Variants in EPHA5 observed in about 807,000 individuals in gnomAD.
The protein encoded by EPHA5 is EPH receptor A5, also known as ephrin type-A receptor 5.
In EPHA5, 60 loss-of-function variants were observed where a neutral mutation model predicts 105.0. The ratio of observed to expected loss-of-function variants is 0.57; its 90% CI spans 0.46 to 0.71. EPHA5 has a LOEUF of 0.71. EPHA5 is among the 30% of genes least tolerant of loss of function. The pLI is 0.00. For synonymous variants in EPHA5, 513 were observed against 449.1 expected, an observed-to-expected ratio of 1.14 and a Z score of -1.80; for missense variants, 1,218 against 1,274.7, an observed-to-expected ratio of 0.96 and a Z score of 0.68.
intron 3 of EPHA5, among the ~76,000 whole-genome samples, chr4:65,496,797 T>C (rs570875371): frequency 6.6e-6 from 1 of 152,284 alleles, no homozygotes; most frequent in South Asian, 2.1e-4. Context: ...TTTTCCAGTG[T>C]TTGACCACAA....
At chr4:65,634,170 T>G (rs1746900384) in intron 2 of EPHA5, among the ~76,000 whole-genome samples, 1 of 152,110 alleles carries the variant, frequency 6.6e-6, no homozygotes, top group African/African-American at 2.4e-5. Context: ...AAAGGCCATT[T>G]TCCAATTTAT....
chr4:65,482,195 G>A (rs1224151927), intron 5 of EPHA5, among the ~76,000 whole-genome samples: 2 of 151,540 alleles, frequency 1.3e-5, no homozygotes, highest in South Asian at 4.2e-4. Flanking sequence ...CTACTCAGGA[G>A]GCTGAGGCAG....
At chr4:65,615,321 G>T (rs1745134809) in intron 2 of EPHA5, among the ~76,000 whole-genome samples, 1 of 151,550 alleles carries the variant, frequency 6.6e-6, no homozygotes, top group Non-Finnish European at 1.5e-5. Flanking sequence ...AACCAATTGG[G>T]GTACATACAA....
At chr4:65,580,915 T>C (rs1741556314) in intron 3 of EPHA5, among the ~76,000 whole-genome samples, 1 of 151,876 alleles carries the variant, frequency 6.6e-6, no homozygotes, top group Admixed American at 6.6e-5. Context: ...TCAAATTTTG[T>C]TGATATCCCA....
chr4:65,428,478 C>G (rs1724663990), intron 5 of EPHA5, among the ~76,000 whole-genome samples: 1 of 152,002 alleles, frequency 6.6e-6, no homozygotes, highest in Admixed American at 6.6e-5. Flanking sequence ...AATAAAAATT[C>G]AATCTGCTCA....
chr4:65,654,375 G>A (rs2149534541), intron 1 of EPHA5, among the ~76,000 whole-genome samples: 1 of 151,868 alleles, frequency 6.6e-6, no homozygotes, highest in African/African-American at 2.4e-5. Context: ...TTTTGTTCAA[G>A]TTCCATAGAA....
intron 5 of EPHA5, among the ~76,000 whole-genome samples, chr4:65,486,716 G>T (rs186759339): frequency 6.6e-6 from 1 of 152,146 alleles, no homozygotes; most frequent in Non-Finnish European, 1.5e-5. Flanking sequence ...CTGCAATTTG[G>T]GTACTTAAAA....
chr4:65,573,572 G>C lies in EPHA5; in HGVS notation c.910+28069C>G, dbSNP rs1740458967. On this transcript the variant is annotated intron_variant, in intron 3 of 16. Transcript: ENST00000613740. ...GTAACCTCAAAGCTAAAAAGCCCAAGAAGGGGAAGCCCCGTTGCAGCCGCA... is the reference window on the plus strand; with the variant it reads ...GTAACCTCAAAGCTAAAAAGCCCAACAAGGGGAAGCCCCGTTGCAGCCGCA... The C allele has an allele frequency of 8.1e-6, 13 of 1,598,444 alleles. No individual in the cohort carries two copies. The Admixed American group carries it at 1.8e-4, about 23-fold the overall frequency.
chr4:65,357,543 T>C (rs1244050794), intron 11 of EPHA5, among the ~76,000 whole-genome samples: 1 of 151,506 alleles, frequency 6.6e-6, no homozygotes, highest in African/African-American at 2.4e-5. Flanking sequence ...TTTTTATATA[T>C]GCTCATTACC....
Position 65,471,681 on chromosome 4 carries a change from G to A in EPHA5, c.1402+18696C>T, listed in dbSNP as rs148846921. 5.0e-3 allele frequency among the ~76,000 whole-genome samples: 759 copies of A among 152,268 alleles called. 3 individuals are homozygous for A. The highest frequency in any genetic ancestry group is 7.5e-3 in the Non-Finnish European group (507 of 68,020). On this transcript the variant is annotated intron_variant, in intron 5 of 16. Coordinates refer to ENST00000613740, the MANE Select transcript of EPHA5 (RefSeq NM_001281766.3). ...GACAGAGAGAGAGAGCAAGAGCAGGGAAAACTGCTTATAAAACCAACATAT... is the reference window on the plus strand; with the variant it reads ...GACAGAGAGAGAGAGCAAGAGCAGGAAAAACTGCTTATAAAACCAACATAT...
At chr4:65,647,647 G>C (rs1748240909) in intron 1 of EPHA5, among the ~76,000 whole-genome samples, 1 of 151,992 alleles carries the variant, frequency 6.6e-6, no homozygotes, top group Non-Finnish European at 1.5e-5. Context: ...GAAGACATTA[G>C]ATATCAGAAA....
intron 2 of EPHA5, among the ~76,000 whole-genome samples, chr4:65,625,405 C>T (rs1746045754): frequency 6.6e-6 from 1 of 152,040 alleles, no homozygotes. Context: ...ACATATGCAC[C>T]TCTTTTCACA....
At chr4:65,532,095 C>A (rs1034718288) in intron 3 of EPHA5, among the ~76,000 whole-genome samples, 1 of 152,000 alleles carries the variant, frequency 6.6e-6, no homozygotes, top group Admixed American at 6.6e-5. Flanking sequence ...ATGTGATTAT[C>A]CTTATCTTAA....
chr4:65,666,989 CAT>C (rs1478493751), intron 1 of EPHA5, among the ~76,000 whole-genome samples: 1 of 152,094 alleles, frequency 6.6e-6, no homozygotes, highest in Admixed American at 6.5e-5. Flanking sequence ...CACACACACA[CAT>C]ACACACACAG....
chr4:65,491,513 G>C (rs915396051), intron 4 of EPHA5, among the ~76,000 whole-genome samples: 1 of 151,894 alleles, frequency 6.6e-6, no homozygotes, highest in African/African-American at 2.4e-5. Context: ...AATAAGAAAA[G>C]AAATAGATTT....
intron 15 of EPHA5, among the ~76,000 whole-genome samples, chr4:65,333,997 C>T (rs1052453781): frequency 8.6e-5 from 13 of 151,836 alleles, no homozygotes; most frequent in African/African-American, 3.1e-4. Context: ...TACAGCCGAC[C>T]ACTTCTCTCC....
chr4:65,546,874 A>C (rs1224234687), intron 3 of EPHA5, among the ~76,000 whole-genome samples: 1 of 152,112 alleles, frequency 6.6e-6, no homozygotes, highest in East Asian at 1.9e-4. Flanking sequence ...TTGTTTTTCT[A>C]ATTCAAGACA....
At chr4:65,500,803 A>G (rs1430741150) in intron 3 of EPHA5, among the ~76,000 whole-genome samples, 2 of 120,048 alleles carry the variant, frequency 1.7e-5, no homozygotes, top group Non-Finnish European at 3.5e-5. Flanking sequence ...CAATTAAAAT[A>G]TACAGCCATA....
intron 5 of EPHA5, among the ~76,000 whole-genome samples, chr4:65,468,593 A>G (rs1233211807): frequency 5.0e-5 from 1 of 19,892 alleles, no homozygotes; most frequent in Non-Finnish European, 1.0e-4. Flanking sequence ...AAATATATAT[A>G]ATATATATAT....
Sources: allele counts gnomAD v4.1 joint callset (sites outside exome capture counted in the v4.1 genomes callset), GRCh38; gene constraint gnomAD v4.1.1; transcripts MANE v1.5; gene names NCBI Gene and HGNC (gene_info 2026-07-23, HGNC 2026-07-21).